Variants in GULP1 observed in about 807,000 individuals in gnomAD.
The protein encoded by GULP1 is PTB domain-containing engulfment adapter protein 1.
In GULP1, 19 loss-of-function variants were observed where a neutral mutation model predicts 40.9. That is an observed-to-expected ratio of 0.46 (90% confidence interval 0.32 to 0.68). The LOEUF is 0.68. Among genes scored for constraint, GULP1 ranks in the 30% least tolerant of loss-of-function variants. GULP1 has a pLI of 0.03. For missense variants in GULP1, 312 were observed against 362.2 expected, an observed-to-expected ratio of 0.86 and a Z score of 1.12; for synonymous variants, 119 against 117.6, an observed-to-expected ratio of 1.01 and a Z score of -0.08.
Position 188,529,162 on chromosome 2 carries a change from T to C in GULP1, c.228T>C (p.Ile76=). Residue 76 remains isoleucine, a synonymous_variant, in exon 6 of 12, where the codon ATT becomes ATC. Coordinates refer to ENST00000409830, the MANE Select transcript of GULP1 (RefSeq NM_016315.4). ...CTAAAGTGGAGTTGCAAATATCAATTTATGGAGTAAAAATTCTAGAACCCA... is the reference window on the plus strand; with the variant it reads ...CTAAAGTGGAGTTGCAAATATCAATCTATGGAGTAAAAATTCTAGAACCCA... ...KIPKVELQIS[I]YGVKILEPKT... The C allele has an allele frequency of 6.3e-7, 1 of 1,583,808 alleles. No homozygotes were observed. The highest frequency in any genetic ancestry group is 8.6e-7 in the Non-Finnish European group (1 of 1,157,550).
chr2:188,301,880 G>T (rs2106092905), intron 1 of GULP1, among the ~76,000 whole-genome samples: 1 of 152,220 alleles, frequency 6.6e-6, no homozygotes, highest in East Asian at 1.9e-4. Flanking sequence ...CCTTAAAATG[G>T]CAGAAAAAAT....
chr2:188,359,898 C>A (rs141087390), intron 1 of GULP1, among the ~76,000 whole-genome samples: 1 of 152,024 alleles, frequency 6.6e-6, no homozygotes, highest in African/African-American at 2.4e-5. Flanking sequence ...TATATTAGAG[C>A]TATTACACAG....
intron 2 of GULP1, among the ~76,000 whole-genome samples, chr2:188,407,378 C>G (rs568571739): frequency 6.6e-6 from 1 of 152,092 alleles, no homozygotes; most frequent in South Asian, 2.1e-4. Context: ...GTAATGGTGA[C>G]ATGTAAATCA....
chr2:188,437,833 A>C (rs1330300837), intron 2 of GULP1, among the ~76,000 whole-genome samples: 2 of 152,272 alleles, frequency 1.3e-5, no homozygotes, highest in African/African-American at 4.8e-5. Context: ...CAGAAAACCA[A>C]ATACCGCATA....
At chr2:188,307,821 A>G (rs375037380) in intron 1 of GULP1, among the ~76,000 whole-genome samples, 192 of 152,348 alleles carry the variant, frequency 1.3e-3, no homozygotes, top group African/African-American at 4.5e-3. Context: ...AGAACTTCAG[A>G]AGGAGAATCC....
At chr2:188,357,864 A>G (rs956648996) in intron 1 of GULP1, among the ~76,000 whole-genome samples, 4 of 152,156 alleles carry the variant, frequency 2.6e-5, no homozygotes, top group African/African-American at 9.7e-5. Context: ...TGTGTACAAT[A>G]CAATATGCAG....
intron 2 of GULP1, among the ~76,000 whole-genome samples, chr2:188,456,824 G>C (rs890308091): frequency 5.9e-5 from 9 of 152,140 alleles, no homozygotes; most frequent in Non-Finnish European, 5.9e-5. Flanking sequence ...CAGATGGGAG[G>C]GAGGCTGTAC....
chr2:188,426,312 G>C (rs1325396559), intron 2 of GULP1, among the ~76,000 whole-genome samples: 1 of 152,158 alleles, frequency 6.6e-6, no homozygotes, highest in Non-Finnish European at 1.5e-5. Flanking sequence ...TAAGACTCTA[G>C]TTGTGAAAAT....
intron 2 of GULP1, among the ~76,000 whole-genome samples, chr2:188,457,345 G>A (rs895784787): frequency 3.9e-5 from 6 of 152,154 alleles, no homozygotes; most frequent in African/African-American, 1.2e-4. Context: ...GGAAGAACCT[G>A]TTGGGAGGTG....
chr2:188,557,830 G>C (rs1027539084), intron 7 of GULP1, among the ~76,000 whole-genome samples: 1 of 152,322 alleles, frequency 6.6e-6, no homozygotes, highest in South Asian at 2.1e-4. Context: ...AACTGCCAAA[G>C]CTTATGACTT....
intron 1 of GULP1, among the ~76,000 whole-genome samples, chr2:188,307,040 T>C (rs1239849134): frequency 1.3e-5 from 2 of 152,242 alleles, no homozygotes; most frequent in Admixed American, 1.3e-4. Context: ...TGGGTGTTTG[T>C]ACCATTTATC....
At chr2:188,362,891 A>G (rs887734858) in intron 1 of GULP1, among the ~76,000 whole-genome samples, 11 of 152,080 alleles carry the variant, frequency 7.2e-5, no homozygotes, top group Non-Finnish European at 1.5e-4. Context: ...GATCTAGCAC[A>G]TCTTACTTCC....
At chr2:188,417,573 A>G (rs189548093) in intron 2 of GULP1, among the ~76,000 whole-genome samples, 40 of 152,352 alleles carry the variant, frequency 2.6e-4, no homozygotes, top group African/African-American at 8.2e-4. Context: ...ATTTAAAAAT[A>G]TTTCACTTAA....
At chr2:188,531,421 G>A (rs1267798000) in intron 6 of GULP1, among the ~76,000 whole-genome samples, 1 of 152,074 alleles carries the variant, frequency 6.6e-6, no homozygotes, top group Non-Finnish European at 1.5e-5. Flanking sequence ...AAGATCAATG[G>A]CATACCTTCA....
chr2:188,508,929 A>G (rs1025230981), intron 4 of GULP1, among the ~76,000 whole-genome samples: 9 of 151,868 alleles, frequency 5.9e-5, no homozygotes, highest in African/African-American at 1.7e-4. Flanking sequence ...GGGGACATCT[A>G]TCTACATTTT....
At chr2:188,442,849 A>C (rs912479520) in intron 2 of GULP1, among the ~76,000 whole-genome samples, 1 of 152,174 alleles carries the variant, frequency 6.6e-6, no homozygotes, top group African/African-American at 2.4e-5. Flanking sequence ...TTTATCCAAA[A>C]GATCAGATTC....
chr2:188,348,316 G>A (rs1230219344), intron 1 of GULP1, among the ~76,000 whole-genome samples: 1 of 152,114 alleles, frequency 6.6e-6, no homozygotes, highest in African/African-American at 2.4e-5. Context: ...GAAGTTATCT[G>A]GTCAAACCTG....
At chr2:188,532,139 A>G (rs750053418) in intron 6 of GULP1, among the ~76,000 whole-genome samples, 8 of 152,154 alleles carry the variant, frequency 5.3e-5, no homozygotes, top group Non-Finnish European at 1.2e-4. Flanking sequence ...GTTATTTTTT[A>G]TTTGAAACGA....
At chr2:188,315,994 A>G (rs2039015520) in intron 1 of GULP1, among the ~76,000 whole-genome samples, 1 of 152,102 alleles carries the variant, frequency 6.6e-6, no homozygotes, top group South Asian at 2.1e-4. Context: ...GATATGAGTA[A>G]ATTGCTGCTA....
Sources: gnomAD v4.1 joint callset for allele counts (sites outside exome capture counted in the v4.1 genomes callset) on GRCh38, gnomAD v4.1.1 for gene constraint, MANE v1.5 for transcripts, NCBI Gene and HGNC (gene_info 2026-07-23, HGNC 2026-07-21) for gene names.